Variants in COL4A2 observed in about 807,000 individuals in gnomAD.
The protein encoded by COL4A2 is collagen type IV alpha 2 chain, also known as collagen alpha-2(IV) chain.
In COL4A2, 99 loss-of-function variants were observed where a neutral mutation model predicts 200.2. That is an observed-to-expected ratio of 0.49 (90% confidence interval 0.42 to 0.58). COL4A2 has a LOEUF of 0.58. COL4A2 is among the 20% of genes least tolerant of loss of function. COL4A2 has a pLI of 0.00. For missense variants in COL4A2, 1,950 were observed against 2,314.1 expected (o/e 0.84, Z 3.23); for synonymous variants, 897 against 900.6 (o/e 1.00, Z 0.07).
At chr13:110,502,657 CA>C (rs1883688373) in intron 41 of COL4A2, 1 of 154,232 alleles carries the variant, frequency 6.5e-6, no homozygotes, top group African/African-American at 2.4e-5. Flanking sequence ...GAACTCTTAT[CA>C]CCTGCTACCA....
At chr13:110,466,982 C>T in intron 26 of COL4A2, 58 bp from the exon 27 acceptor site, 1 of 1,611,010 alleles carries the variant, frequency 6.2e-7, no homozygotes, top group South Asian at 1.1e-5. Flanking sequence ...ATCCCCAAGG[C>T]CGTGGGACTC....
chr13:110,496,298 T>A (rs902093896), intron 40 of COL4A2, among the ~76,000 whole-genome samples: 4 of 152,170 alleles, frequency 2.6e-5, no homozygotes, highest in African/African-American at 9.7e-5. Flanking sequence ...TTTGCTGGGG[T>A]GCAGGGATGT....
At position 110,473,076 on chromosome 13, in the gene COL4A2, G is replaced by A. The variant is rs529661399; in HGVS notation, c.2351G>A (p.Arg784Gln). Reference sequence around the variant, plus strand: ...GTCCTGGGAGCTCAGCCCGGGCCACGGGGAGATGCTGGTGTGCCTGGACAG... The same window carrying A: ...GTCCTGGGAGCTCAGCCCGGGCCACAGGGAGATGCTGGTGTGCCTGGACAG... ...GEVLGAQPGPRGDAGVPGQPG... is the reference protein window; with the variant it reads ...GEVLGAQPGPQGDAGVPGQPG... Residue 784 changes from arginine (R) to glutamine (Q), a missense_variant, in exon 29 of 48, where the codon CGG becomes CAG. Around this residue, in one of 2 missense-constraint regions of COL4A2, gnomAD observed 1,385 missense variants for 1,720.5 expected, o/e 0.80. Coordinates refer to ENST00000360467, the MANE Select transcript of COL4A2 (RefSeq NM_001846.4). The A allele has an allele frequency of 3.6e-5, 55 of 1,542,034 alleles. No homozygotes were observed. The highest frequency in any genetic ancestry group is 1.7e-4 in the Middle Eastern group (1 of 5,776).
chr13:110,473,586 T>G (rs9521796), intron 29 of COL4A2: 1 of 158,966 alleles, frequency 6.3e-6, no homozygotes. Flanking sequence ...ATACATTTTT[T>G]AAAATGTCTT....
At chr13:110,442,021 G>A (rs1227770147) in intron 16 of COL4A2, among the ~76,000 whole-genome samples, 3 of 146,160 alleles carry the variant, frequency 2.1e-5, no homozygotes, top group African/African-American at 5.1e-5. Context: ...GGGAGGCAGA[G>A]GTTGCAGTGA....
chr13:110,493,115 G>T (rs1883344107), intron 38 of COL4A2, 96 bp from the exon 39 acceptor site: 1 of 1,284,550 alleles, frequency 7.8e-7, no homozygotes, highest in Non-Finnish European at 1.1e-6. Context: ...CCCCATGGGT[G>T]AAATAACGAT....
chr13:110,352,374 C>T (rs988973713), intron 3 of COL4A2, among the ~76,000 whole-genome samples: 1 of 152,212 alleles, frequency 6.6e-6, no homozygotes, highest in Non-Finnish European at 1.5e-5. Context: ...TCCTCTTCTT[C>T]GCAGCTCTTA....
intron 40 of COL4A2, among the ~76,000 whole-genome samples, chr13:110,499,524 C>CGAGAT (rs1555333314): frequency 6.6e-6 from 1 of 151,800 alleles, no homozygotes; most frequent in Non-Finnish European, 1.5e-5. Context: ...AACTACAAGT[C>CGAGAT]GAGATTTGGG....
At chr13:110,510,242 C>T (rs1157076418) in intron 47 of COL4A2, among the ~76,000 whole-genome samples, 4 of 152,236 alleles carry the variant, frequency 2.6e-5, no homozygotes, top group African/African-American at 9.6e-5. Context: ...GCATTTTCTG[C>T]ATTCCCTACA....
At chr13:110,331,767 C>T (rs895019168) in intron 3 of COL4A2, among the ~76,000 whole-genome samples, 1 of 152,156 alleles carries the variant, frequency 6.6e-6, no homozygotes, top group Non-Finnish European at 1.5e-5. Context: ...TGAGTTCAAG[C>T]ACTTTTGTAT....
chr13:110,346,404 G>A (rs1412683011), intron 3 of COL4A2, among the ~76,000 whole-genome samples: 1 of 152,176 alleles, frequency 6.6e-6, no homozygotes, highest in Admixed American at 6.5e-5. Context: ...ACAATATAAG[G>A]AGCAGTGTCT....
chr13:110,452,430 G>A lies in COL4A2; in HGVS notation c.1339+1976G>A, dbSNP rs1200302650. Among the ~76,000 whole-genome samples the A allele has an allele frequency of 2.6e-5, 4 of 152,178 alleles. No individual in the cohort carries two copies. In the East Asian group the frequency reaches 7.7e-4, roughly 29 times the overall value. On this transcript the variant is annotated intron_variant, in intron 20 of 47. Transcript: ENST00000360467. ...GCCCGCCTCGGTCTCCCAAAGTGCT[G>A]GGATTACAGGCATGAGCCAACGCGC...
intron 12 of COL4A2, 147 bp from the exon 13 acceptor site, chr13:110,436,122 G>T (rs755473206): frequency 8.6e-7 from 1 of 1,160,404 alleles, no homozygotes. Context: ...ACTCTATTTT[G>T]TGGTTATTAT....
At chr13:110,494,646 G>A (rs1250815562) in intron 39 of COL4A2, among the ~76,000 whole-genome samples, 1 of 151,722 alleles carries the variant, frequency 6.6e-6, no homozygotes, top group African/African-American at 2.4e-5. Flanking sequence ...GGAGCTTGCA[G>A]TGAGCCGAGA....
chr13:110,419,530 T>C (rs1260240674), intron 4 of COL4A2, among the ~76,000 whole-genome samples: 1 of 152,232 alleles, frequency 6.6e-6, no homozygotes. Context: ...CTACACTGCG[T>C]GTGCCCGTAT....
chr13:110,456,739 C>T, intron 20 of COL4A2: 2 of 472,706 alleles, frequency 4.2e-6, no homozygotes, highest in Non-Finnish European at 8.8e-6. Context: ...TGCCCTGTGT[C>T]TGGGGGGACC....
intron 7 of COL4A2, chr13:110,428,886 C>G (rs371360619): frequency 3.5e-6 from 1 of 282,828 alleles, no homozygotes; most frequent in Admixed American, 5.2e-5. Flanking sequence ...AAAGCTGAAA[C>G]CTTGACAAAA....
At chr13:110,316,303 T>C (rs1885127738) in intron 3 of COL4A2, among the ~76,000 whole-genome samples, 1 of 152,200 alleles carries the variant, frequency 6.6e-6, no homozygotes, top group African/African-American at 2.4e-5. Context: ...AGGGCTTCTG[T>C]TGGTGCACAG....
At chr13:110,337,522 T>C (rs1876252934) in intron 3 of COL4A2, among the ~76,000 whole-genome samples, 1 of 152,160 alleles carries the variant, frequency 6.6e-6, no homozygotes, top group Non-Finnish European at 1.5e-5. Context: ...TGGACCAGCG[T>C]CAGAGGGCGG....
Sources: allele counts gnomAD v4.1 joint callset (sites outside exome capture counted in the v4.1 genomes callset), GRCh38; gene constraint gnomAD v4.1.1; regional missense constraint gnomAD v4.1.1; transcripts MANE v1.5; gene names NCBI Gene and HGNC (gene_info 2026-07-23, HGNC 2026-07-21).